Variants in DNAH6 observed in about 807,000 individuals in gnomAD.
DNAH6 encodes the protein axonemal beta dynein heavy chain 6.
DNAH6 carries 340 observed loss-of-function variants against 491.4 expected under a neutral mutation model. The ratio of observed to expected loss-of-function variants is 0.69; its 90% CI spans 0.63 to 0.76. DNAH6 has a LOEUF of 0.76. Among genes scored for constraint, DNAH6 ranks in the 30% least tolerant of loss-of-function variants. The pLI is 0.00. For synonymous variants in DNAH6, 1,603 were observed against 1,686.1 expected (o/e 0.95, Z 1.21); for missense variants, 4,443 against 4,972.2 (o/e 0.89, Z 3.20).
intron 22 of DNAH6, among the ~76,000 whole-genome samples, chr2:84,616,656 T>A (rs1686878721): frequency 1.3e-5 from 2 of 152,140 alleles, no homozygotes; most frequent in Admixed American, 1.3e-4. Flanking sequence ...GGAGTCAAAC[T>A]GTCAGCTTTT....
chr2:84,609,676 A>AATT (rs1216464392), intron 21 of DNAH6, among the ~76,000 whole-genome samples: 1 of 151,750 alleles, frequency 6.6e-6, no homozygotes, highest in Non-Finnish European at 1.5e-5. Context: ...CAGATATAAT[A>AATT]ATAATAATAA....
At chr2:84,709,247 C>T in intron 54 of DNAH6, 96 bp from the exon 55 acceptor site, 1 of 1,262,460 alleles carries the variant, frequency 7.9e-7, no homozygotes, top group Non-Finnish European at 1.1e-6. Context: ...CTTAGCTCTT[C>T]AGCCACTGAC....
chr2:84,715,093 A>G (rs1418106282), intron 57 of DNAH6, among the ~76,000 whole-genome samples: 1 of 152,114 alleles, frequency 6.6e-6, no homozygotes, highest in Non-Finnish European at 1.5e-5. Flanking sequence ...ACACTGTATC[A>G]TAAGTAACTA....
chr2:84,486,108 T>C, the DNAH6 span, among the ~76,000 whole-genome samples: 136 of 152,354 alleles, frequency 8.9e-4, 3 homozygotes, highest in South Asian at 0.013. Context: ...GAAAATATTT[T>C]ATCTTAGCTG....
intron 64 of DNAH6, among the ~76,000 whole-genome samples, chr2:84,774,406 C>G (rs959745415): frequency 1.3e-5 from 2 of 152,040 alleles, no homozygotes; most frequent in African/African-American, 4.8e-5. Flanking sequence ...GGTCTCTATT[C>G]TATTCTATTG....
chr2:84,687,027 C>T (rs183742820), intron 44 of DNAH6, among the ~76,000 whole-genome samples: 110 of 152,296 alleles, frequency 7.2e-4, no homozygotes, highest in Middle Eastern at 3.4e-3. Context: ...AGTGAAGCTA[C>T]TTGGTTAAGA....
At chr2:84,459,741 T>C in the DNAH6 span, 6 of 158,060 alleles carry the variant, frequency 3.8e-5, no homozygotes, top group South Asian at 7.8e-4. Context: ...TTTTCCTCGT[T>C]TGCTATTAGA....
At chr2:84,658,941 G>C (rs960255522) in intron 36 of DNAH6, 85 bp from the exon 37 acceptor site, 6 of 876,682 alleles carry the variant, frequency 6.8e-6, no homozygotes, top group African/African-American at 1.8e-5. Flanking sequence ...CTAAATGAAA[G>C]AAAAATATCT....
intron 29 of DNAH6, among the ~76,000 whole-genome samples, chr2:84,625,701 C>G (rs1687797004): frequency 1.3e-5 from 2 of 152,058 alleles, no homozygotes; most frequent in African/African-American, 4.8e-5. Flanking sequence ...AAACAAAAAA[C>G]ATTGTCCCAC....
intron 62 of DNAH6, among the ~76,000 whole-genome samples, chr2:84,741,594 G>C (rs780095581): frequency 1.3e-5 from 2 of 152,158 alleles, no homozygotes; most frequent in Non-Finnish European, 2.9e-5. Flanking sequence ...TGAGAAGTGT[G>C]GTCAACTCAT....
intron 59 of DNAH6, among the ~76,000 whole-genome samples, chr2:84,719,657 C>T (rs540663373): frequency 1.3e-5 from 2 of 152,098 alleles, no homozygotes; most frequent in East Asian, 3.9e-4. Flanking sequence ...ACTACAAATG[C>T]ACGCCACTAC....
At chr2:84,519,827 A>G (rs949718964) in intron 2 of DNAH6, among the ~76,000 whole-genome samples, 29 of 151,698 alleles carry the variant, frequency 1.9e-4, no homozygotes, top group Non-Finnish European at 3.2e-4. Context: ...GCCTTTGTCC[A>G]TGCTGAAACA....
At chr2:84,760,994 T>C (rs747291492) in intron 63 of DNAH6, among the ~76,000 whole-genome samples, 1 of 152,132 alleles carries the variant, frequency 6.6e-6, no homozygotes, top group South Asian at 2.1e-4. Flanking sequence ...AAGGAATCAA[T>C]ATATCAAAAA....
intron 38 of DNAH6, among the ~76,000 whole-genome samples, 159 bp from the exon 39 acceptor site, chr2:84,670,169 A>G (rs1465987262): frequency 6.6e-6 from 1 of 152,234 alleles, no homozygotes; most frequent in African/African-American, 2.4e-5. Context: ...TCTGAAAAAT[A>G]TAACTAAATG....
chr2:84,780,440 A>G (rs1169368015), intron 64 of DNAH6, among the ~76,000 whole-genome samples: 1 of 152,064 alleles, frequency 6.6e-6, no homozygotes. Flanking sequence ...TAATGCTTCC[A>G]ATTGTATTTT....
chr2:84,794,676 C>T (rs1678143172), intron 68 of DNAH6, among the ~76,000 whole-genome samples: 1 of 144,792 alleles, frequency 6.9e-6, no homozygotes, highest in African/African-American at 2.5e-5. Flanking sequence ...AGTCAGGAAA[C>T]AACAGGTGCT....
intron 62 of DNAH6, among the ~76,000 whole-genome samples, chr2:84,738,140 A>G (rs1389156726): frequency 6.6e-6 from 1 of 151,970 alleles, no homozygotes; most frequent in Non-Finnish European, 1.5e-5. Flanking sequence ...TTTAGTTTCC[A>G]TGTAATTTTA....
intron 11 of DNAH6, among the ~76,000 whole-genome samples, chr2:84,558,896 C>T (rs1037495187): frequency 6.6e-6 from 1 of 152,152 alleles, no homozygotes; most frequent in African/African-American, 2.4e-5. Context: ...CAATATACTG[C>T]AAATGCCTTT....
At chr2:84,658,515 A>G (rs1691192066) in intron 36 of DNAH6, 41 bp downstream of exon 36, 2 of 1,312,946 alleles carry the variant, frequency 1.5e-6, no homozygotes, top group East Asian at 5.6e-5. Flanking sequence ...TAGAAAAATT[A>G]GATTATTGTA....
Sources: gnomAD v4.1 joint callset for allele counts (sites outside exome capture counted in the v4.1 genomes callset) on GRCh38, gnomAD v4.1.1 for gene constraint, MANE v1.5 for transcripts, NCBI Gene and HGNC (gene_info 2026-07-23, HGNC 2026-07-21) for gene names.